The following MGAT5B variants were observed in gnomAD, a reference collection of about 807,000 sequenced individuals.
The protein encoded by MGAT5B is alpha-1,6-mannosylglycoprotein 6-beta-N-acetylglucosaminyltransferase B.
MGAT5B carries 54 observed loss-of-function variants against 95.1 expected under a neutral mutation model. That is an observed-to-expected ratio of 0.57 (90% CI 0.46 to 0.71). MGAT5B has a LOEUF of 0.71. Among genes scored for constraint, MGAT5B ranks in the 30% least tolerant of loss-of-function variants. The pLI, the probability that MGAT5B is intolerant of heterozygous loss-of-function variation, is 0.00. For missense variants in MGAT5B, 935 were observed against 1,088.6 expected (o/e 0.86, Z 1.99); for synonymous variants, 464 against 451.0 (o/e 1.03, Z -0.36).
intron 8 of MGAT5B, among the ~76,000 whole-genome samples, chr17:76,910,023 T>TG (rs1216847161): frequency 1.3e-5 from 2 of 152,094 alleles, no homozygotes; most frequent in Non-Finnish European, 2.9e-5. Flanking sequence ...GGGCGGGCTC[T>TG]GGGGGAGGAA....
rs1197757691 is a variant in MGAT5B, at chr17:76,940,269, G to A, written c.1585-133G>A. On this transcript the variant is annotated intron_variant, in intron 13 of 17. Coordinates refer to ENST00000569840, the MANE Select transcript of MGAT5B (RefSeq NM_001199172.2). This position sits in a 1 kb window ranked among gnomAD's most constrained non-coding sequence, Gnocchi z 4.3. ...TGTTATAGCTCACATAACAGGCTGA[G>A]CAAAAATAATCGCTCCAGGCCCAGC... The A allele has an allele frequency of 5.2e-6, 6 of 1,163,044 alleles. No homozygotes were observed. 72.0% of individuals were successfully genotyped at this position (1,163,044 alleles called of 1,614,324 possible).
In MGAT5B at chr17:76,889,855, A is replaced by G. The variant is rs1345382206; in HGVS notation, c.329+7557A>G. Among the ~76,000 whole-genome samples the G allele has an allele frequency of 2.0e-5, 3 of 152,148 alleles. No individual in the cohort carries two copies. The East Asian group carries it at 5.8e-4, about 29-fold the overall frequency. On this transcript the variant is annotated intron_variant, in intron 3 of 17. Coordinates refer to ENST00000569840, the MANE Select transcript of MGAT5B (RefSeq NM_001199172.2). The surrounding 1 kb of genome is among the most constrained non-coding windows in gnomAD (Gnocchi z 4.4). ...GGGGATGGGGTGTGAAAAAGTCCCA[A>G]GTTCCCAGTGCAGTCCCTGCCGGGC... is the stretch of plus-strand genomic sequence containing the variant.
rs758075975 is a variant in MGAT5B at position 76,948,630 on chromosome 17, T to C, written c.2181-10T>C. On this transcript the variant is annotated splice_polypyrimidine_tract_variant and intron_variant, in intron 17 of 17. Transcript: ENST00000569840. ...AACGCTGAGTGACGGTGCTGTGTGG[T>C]CCCTGCCAGGCTGCAGGTGCCCTGT... 2 of 1,607,934 alleles carry C rather than the reference T, an allele frequency of 1.2e-6. No homozygotes were observed. Among genetic ancestry groups the C allele is most frequent in the South Asian group, 2.2e-5 (2 of 89,828 alleles).
In MGAT5B at chr17:76,946,392, C is replaced by T. The variant is rs1165096319; in HGVS notation, c.1865C>T (p.Pro622Leu). The T allele has an allele frequency of 6.2e-7, 1 of 1,608,492 alleles. No homozygotes were observed. The highest frequency in any genetic ancestry group is 1.7e-5 in the Admixed American group (1 of 59,554). Residue 622 changes from proline (P) to leucine (L), a missense_variant, in exon 16 of 18, where the codon CCC becomes CTC. Physicochemically the swap from Pro to Leu is moderately conservative, Grantham distance 98. This residue lies in a region of MGAT5B where 440 missense variants were observed against 523.6 expected (regional missense o/e 0.84). Coordinates refer to ENST00000569840, the MANE Select transcript of MGAT5B (RefSeq NM_001199172.2). ...CTCCCACAGGTAGACCCCTACCTACCCTACGAGTACACCTGCGAGGGGATG... is the reference window on the plus strand; with the variant it reads ...CTCCCACAGGTAGACCCCTACCTACTCTACGAGTACACCTGCGAGGGGATG... ...IMRTQVDPYL[P>L]YEYTCEGMLE...
intron 12 of MGAT5B, among the ~76,000 whole-genome samples, chr17:76,934,124 G>C (rs1196649028): frequency 1.3e-5 from 2 of 152,186 alleles, no homozygotes; most frequent in African/African-American, 4.8e-5. Context: ...GAGAGAAGGA[G>C]GACTCAGGGG....
chr17:76,939,326 T>C (rs911491071), intron 13 of MGAT5B, among the ~76,000 whole-genome samples: 3 of 151,898 alleles, frequency 2.0e-5, no homozygotes, highest in South Asian at 2.1e-4. Flanking sequence ...GGTGAAACCC[T>C]GTCTCTACTA....
chr17:76,905,916 G>C lies in MGAT5B; in HGVS notation c.856-102G>C, dbSNP rs893116820. The C allele has an allele frequency of 1.5e-6, 2 of 1,330,338 alleles. No individual in the cohort carries two copies. The highest frequency in any genetic ancestry group is 2.0e-6 in the Non-Finnish European group (2 of 987,770). 82.4% of individuals were successfully genotyped at this position (1,330,338 alleles called of 1,614,324 possible). A position where few individuals can be genotyped will look rare whatever the true frequency, so the allele number is the denominator to read the frequency against. ...AGCACCTGCTGGGGCCCAGCCTGGA[G>C]ACAGGGTCTGCTGCCGGCTGGTCTC... On this transcript the variant is annotated intron_variant, in intron 7 of 17. Transcript: ENST00000569840. This position sits in a 1 kb window ranked among gnomAD's most constrained non-coding sequence, Gnocchi z 4.2.
At chr17:76,947,246 A>G (rs1194305066) in intron 16 of MGAT5B, among the ~76,000 whole-genome samples, 2 of 152,162 alleles carry the variant, frequency 1.3e-5, no homozygotes, top group Non-Finnish European at 2.9e-5. Flanking sequence ...CCCCACCAAT[A>G]TTAGGGGCTG....
rs935558699 is a variant in MGAT5B, at chr17:76,889,526, G to A, written c.329+7228G>A. On this transcript the variant is annotated intron_variant, in intron 3 of 17. Transcript: ENST00000569840. The surrounding 1 kb of genome is among the most constrained non-coding windows in gnomAD (Gnocchi z 4.4). ...CTGGGAGAGAGGCGTGTGGTTGGCA[G>A]GTCAGGGGCCTCTTTCAGCCAGTGC... 6.6e-6 allele frequency among the ~76,000 whole-genome samples: 1 copy of A among 152,178 alleles called. No individual in the cohort carries two copies. Among genetic ancestry groups the A allele is most frequent in the Admixed American group, 6.5e-5 (1 of 15,282 alleles).
rs1484858111 is a variant in MGAT5B at position 76,950,075 on chromosome 17, A to C, written c.*1237A>C. ...TCAGGCCTTCAGAACACTGCCACCC[A>C]CCCAGTTTTATAATCCCGCTCCCTC... is the stretch of plus-strand genomic sequence containing the variant. On this transcript the variant is annotated 3_prime_UTR_variant, in exon 18 of 18. Transcript: ENST00000569840. 2 of 132,244 alleles carry C rather than the reference A, an allele frequency of 1.5e-5. No homozygotes were observed. The highest frequency in any genetic ancestry group is 1.6e-4 in the Admixed American group (2 of 12,892). The allele number at this position is 132,244 out of a possible 1,614,324, so 8.2% of individuals were successfully genotyped here. A position where few individuals can be genotyped will look rare whatever the true frequency, so the allele number is the denominator to read the frequency against.
At chr17:76,897,713 CTTTCTTTCTTTCTTTTTCTTTTT>C (rs1968134158) in intron 3 of MGAT5B, among the ~76,000 whole-genome samples, 1 of 92,776 alleles carries the variant, frequency 1.1e-5, no homozygotes, top group Non-Finnish European at 1.9e-5. Context: ...TTCTTTCTTT[CTTTCTTTCTTTCTTTTTCTTTTT>C]TTTTTTTTTT....
intron 3 of MGAT5B, among the ~76,000 whole-genome samples, chr17:76,899,284 C>T (rs1422738577): frequency 4.6e-5 from 7 of 152,126 alleles, no homozygotes; most frequent in Non-Finnish European, 7.4e-5. Flanking sequence ...CCTTAGAGCC[C>T]GGCTCGTCTC....
intron 9 of MGAT5B, among the ~76,000 whole-genome samples, chr17:76,926,047 G>T (rs1969302667): frequency 6.6e-6 from 1 of 152,186 alleles, no homozygotes; most frequent in Admixed American, 6.5e-5. Flanking sequence ...CTGCCCAGCT[G>T]CAGGGTCCAG....
intron 8 of MGAT5B, 117 bp from the exon 9 acceptor site, chr17:76,924,849 G>C: frequency 7.7e-7 from 1 of 1,294,678 alleles, no homozygotes; most frequent in Non-Finnish European, 1.1e-6. Flanking sequence ...TCCTTTCTGA[G>C]AGTCTGTGCT....
At chr17:76,879,357 C>T (rs536242945) in intron 2 of MGAT5B, among the ~76,000 whole-genome samples, 22 of 152,326 alleles carry the variant, frequency 1.4e-4, no homozygotes, top group African/African-American at 4.8e-4. Flanking sequence ...TCTGCAGGAA[C>T]GAGCTGCTGA....
intron 2 of MGAT5B, among the ~76,000 whole-genome samples, chr17:76,874,656 G>A (rs1324746896): frequency 3.3e-5 from 5 of 152,148 alleles, no homozygotes; most frequent in Non-Finnish European, 7.4e-5. Context: ...GTTTTTGGCC[G>A]GGCTCTGGTT....
At chr17:76,939,002 A>G (rs1038885974) in intron 13 of MGAT5B, among the ~76,000 whole-genome samples, 5 of 145,338 alleles carry the variant, frequency 3.4e-5, no homozygotes, top group African/African-American at 1.3e-4. Flanking sequence ...TGATCTCACC[A>G]TAGCTTGTTT....
intron 9 of MGAT5B, 22 bp from the exon 10 acceptor site, chr17:76,926,575 T>C (rs967694703): frequency 5.0e-6 from 8 of 1,599,918 alleles, no homozygotes; most frequent in African/African-American, 1.3e-5. Context: ...TGACCCTGGT[T>C]CCTGGTCCCC....
chr17:76,879,068 G>C (rs562965765), intron 2 of MGAT5B, among the ~76,000 whole-genome samples: 1 of 152,206 alleles, frequency 6.6e-6, no homozygotes, highest in Non-Finnish European at 1.5e-5. Context: ...ACTTTCAGGG[G>C]CCTCTGCAGC....
Sources: gnomAD v4.1 joint callset for allele counts (sites outside exome capture counted in the v4.1 genomes callset) on GRCh38, gnomAD v4.1.1 for gene constraint, gnomAD v4.1.1 regional missense constraint, Gnocchi (gnomAD v3.1) non-coding constraint, MANE v1.5 for transcripts, NCBI Gene and HGNC (gene_info 2026-07-23, HGNC 2026-07-21) for gene names.